The following GRK1 variants were observed in gnomAD, a reference collection of about 807,000 sequenced individuals.
GRK1 encodes rhodopsin kinase GRK1.
Under a neutral mutation model 41.7 loss-of-function variants are expected in GRK1, and 28 were observed. The ratio of observed to expected loss-of-function variants is 0.67; its 90% confidence interval spans 0.50 to 0.92. The LOEUF is 0.92. Ranked by LOEUF, GRK1 falls within the 40% of genes least tolerant of loss-of-function variation. The pLI is 0.00. For synonymous variants in GRK1, 327 were observed against 286.7 expected, an observed-to-expected ratio of 1.14 and a Z score of -1.42; for missense variants, 703 against 671.2, an observed-to-expected ratio of 1.05 and a Z score of -0.52.
At chr13:113,655,280 C>G in the GRK1 span, among the ~76,000 whole-genome samples, 1 of 152,168 alleles carries the variant, frequency 6.6e-6, no homozygotes, top group Non-Finnish European at 1.5e-5. Flanking sequence ...CCAGCAGGAA[C>G]CGAGGGCCCT....
chr13:113,669,886 C>G (rs2049845477), intron 2 of GRK1, 72 bp downstream of exon 2: 1 of 1,578,636 alleles, frequency 6.3e-7, no homozygotes, highest in East Asian at 2.2e-5. Flanking sequence ...GGCCCGGGCT[C>G]CTTTCCACAG....
chr13:113,729,244 A>C (rs1437619218), intron 4 of GRK1, among the ~76,000 whole-genome samples: 1 of 152,206 alleles, frequency 6.6e-6, no homozygotes, highest in Non-Finnish European at 1.5e-5. Context: ...CCTTGACGTT[A>C]GCAAGACACC....
chr13:113,658,236 C>T, the GRK1 span: 4 of 1,272,958 alleles, frequency 3.1e-6, no homozygotes, highest in South Asian at 5.3e-5. Context: ...ATAGTTTCCT[C>T]TGCCAGAGGT....
At chr13:113,734,911 C>G in intron 6 of GRK1, 157 bp from the exon 7 acceptor site, 1 of 693,008 alleles carries the variant, frequency 1.4e-6, no homozygotes, top group Non-Finnish European at 2.2e-6. Context: ...TCTGGGAACA[C>G]TGGGCTTTCT....
At chr13:113,666,210 C>T (rs771327688), upstream of GRK1, among the ~76,000 whole-genome samples, 31 of 128,556 alleles carry the variant, frequency 2.4e-4, no homozygotes, top group African/African-American at 8.9e-4. Flanking sequence ...GGTGTGCCCC[C>T]GCTGTCCCAG....
the GRK1 span, chr13:113,654,664 C>T: frequency 7.9e-7 from 1 of 1,272,364 alleles, no homozygotes. Flanking sequence ...GGGGCACCTG[C>T]TGGGGTGTGT....
intron 4 of GRK1, among the ~76,000 whole-genome samples, chr13:113,730,409 GAC>G (rs1340646571): frequency 7.4e-5 from 11 of 147,846 alleles, no homozygotes; most frequent in Admixed American, 6.1e-4. Context: ...CCTCTATCCT[GAC>G]ACAGTCTCTG....
chr13:113,659,859 C>G, the GRK1 span, among the ~76,000 whole-genome samples: 3 of 152,160 alleles, frequency 2.0e-5, no homozygotes, highest in African/African-American at 4.8e-5. Flanking sequence ...GACTGTGGCC[C>G]TGGGACCCCA....
intron 4 of GRK1, among the ~76,000 whole-genome samples, chr13:113,727,482 G>C (rs2140725806): frequency 6.6e-6 from 1 of 152,294 alleles, no homozygotes; most frequent in South Asian, 2.1e-4. Context: ...GCTGTGGACT[G>C]TGGGGTGTGG....
intron 2 of GRK1, among the ~76,000 whole-genome samples, chr13:113,670,478 T>C (rs1437585849): frequency 6.6e-6 from 1 of 152,262 alleles, no homozygotes; most frequent in Admixed American, 6.5e-5. Flanking sequence ...CAGTGTCTGA[T>C]GCCCGTAAGG....
At chr13:113,663,102 G>A (rs1380652273), upstream of GRK1, among the ~76,000 whole-genome samples, 1 of 152,132 alleles carries the variant, frequency 6.6e-6, no homozygotes, top group East Asian at 1.9e-4. Context: ...TTATTATGTA[G>A]CTGTGGTGAT....
upstream of GRK1, among the ~76,000 whole-genome samples, chr13:113,664,042 C>T (rs894763423): frequency 6.6e-6 from 1 of 152,170 alleles, no homozygotes; most frequent in Admixed American, 6.5e-5. This position sits in a 1 kb window ranked among gnomAD's most constrained non-coding sequence, Gnocchi z 5.4. Flanking sequence ...CGGTGAACGG[C>T]GAAACGGACT....
chr13:113,661,182 A>G, the GRK1 span, among the ~76,000 whole-genome samples: 4 of 152,196 alleles, frequency 2.6e-5, no homozygotes, highest in African/African-American at 7.2e-5. Context: ...CAAATTAGAT[A>G]TTAATAACAA....
rs545885015 is a variant in GRK1, at chr13:113,733,935, T to C, written c.1396+850T>C. 1.4e-4 allele frequency among the ~76,000 whole-genome samples: 19 copies of C among 133,690 alleles called. No homozygotes were observed. In the South Asian group the frequency reaches 3.9e-3, roughly 28 times the overall value. 87.7% of individuals were successfully genotyped at this position (133,690 alleles called of 152,430 possible). ...CAGTGTGCGTGTGTGCATGTGTGCA[T>C]ACGTGTGTGCGTGTGTGTGCATACG... On this transcript the variant is annotated intron_variant, in intron 6 of 6. Coordinates refer to ENST00000335678, the MANE Select transcript of GRK1 (RefSeq NM_002929.3).
chr13:113,731,320 C>T lies in GRK1; in HGVS notation c.1171C>T (p.Pro391Ser). 6.5e-7 allele frequency: 1 copy of T among 1,536,952 alleles called. No homozygotes were observed. The highest frequency in any genetic ancestry group is 8.7e-7 in the Non-Finnish European group (1 of 1,146,842). The stretch of plus-strand genomic sequence containing the variant: ...GTATGAGATGATTGCGGCCAGAGGA[C>T]CCTTCCGAGCCCGTGGAGAGAAGGT... ...TLYEMIAARG[P>S]FRARGEKVEN... The change falls in exon 5 of 7, where the codon CCC becomes TCC. Residue 391 changes from proline to serine, a missense_variant. By Grantham distance (74) the Pro-to-Ser change is moderately conservative (BLOSUM62 -1). Coordinates refer to ENST00000335678, the MANE Select transcript of GRK1 (RefSeq NM_002929.3). The surrounding 1 kb of genome is among the most constrained non-coding windows in gnomAD (Gnocchi z 5.6).
In GRK1 at chr13:113,731,178, G is replaced by C; in HGVS notation, c.1070-41G>C. On this transcript the variant is annotated intron_variant, in intron 4 of 6. Transcript: ENST00000335678. This position sits in a 1 kb window ranked among gnomAD's most constrained non-coding sequence, Gnocchi z 5.6. The stretch of plus-strand genomic sequence containing the variant: ...ATTCCTGGAGTGCGTGCCCACCATG[G>C]AGGTGACCACCTCTGAACCCGCAAT... The C allele has an allele frequency of 6.5e-7, 1 of 1,531,204 alleles. No homozygotes were observed. The highest frequency in any genetic ancestry group is 8.8e-7 in the Non-Finnish European group (1 of 1,142,746). 94.9% of individuals were successfully genotyped at this position (1,531,204 alleles called of 1,614,324 possible).
the GRK1 span, among the ~76,000 whole-genome samples, chr13:113,656,278 G>A: frequency 3.9e-5 from 6 of 152,192 alleles, no homozygotes; most frequent in Admixed American, 2.0e-4. Flanking sequence ...GGGGACCTAC[G>A]CTCGTGACGG....
chr13:113,670,001 C>T lies in GRK1; in HGVS notation c.827+187C>T, dbSNP rs373957588. On this transcript the variant is annotated intron_variant, in intron 2 of 6. Coordinates refer to ENST00000335678, the MANE Select transcript of GRK1 (RefSeq NM_002929.3). The stretch of plus-strand genomic sequence containing the variant: ...GAAACAATGCACCCTGGACCCACAT[C>T]GGAGCAGGAGCCTGGGAGGCGCCCA... 371 of 290,792 alleles carry T rather than the reference C, an allele frequency of 1.3e-3. 1 individual carries two copies. Among genetic ancestry groups the T allele is most frequent in the African/African-American group, 8.0e-3 (354 of 44,046 alleles). The allele number at this position is 290,792 out of a possible 1,614,324, so 18.0% of individuals were successfully genotyped here.
intron 4 of GRK1, among the ~76,000 whole-genome samples, chr13:113,728,744 C>T (rs960706455): frequency 6.6e-5 from 10 of 152,192 alleles, no homozygotes; most frequent in African/African-American, 2.4e-4. Flanking sequence ...GAAGCTTGCT[C>T]ACAAGGAGAG....
Sources: gnomAD v4.1 joint callset for allele counts (sites outside exome capture counted in the v4.1 genomes callset) on GRCh38, gnomAD v4.1.1 for gene constraint, Gnocchi (gnomAD v3.1) non-coding constraint, MANE v1.5 for transcripts, NCBI Gene and HGNC (gene_info 2026-07-23, HGNC 2026-07-21) for gene names.